ATXN1: variants seen among roughly 807,000 people sequenced by gnomAD.
ATXN1 encodes ataxin-1.
Under a neutral mutation model 56.4 loss-of-function variants are expected in ATXN1, and 8 were observed. That is an observed-to-expected ratio of 0.14 (90% CI 0.08 to 0.26). The LOEUF (loss-of-function observed/expected upper bound fraction) is 0.26, where lower values mean the gene tolerates loss of function less well. Among genes scored for constraint, ATXN1 ranks in the 10% least tolerant of loss-of-function variants. ATXN1 has a pLI of 1.00. For synonymous variants in ATXN1, 514 were observed against 494.6 expected (o/e 1.04, Z -0.52); for missense variants, 987 against 1,106.5 (o/e 0.89, Z 1.53).
chr6:16,642,524 C>T (rs1019672947), intron 3 of ATXN1, among the ~76,000 whole-genome samples: 1 of 152,192 alleles, frequency 6.6e-6, no homozygotes, highest in African/African-American at 2.4e-5. Flanking sequence ...TTAATTGATG[C>T]AGTGACAGGT....
chr6:16,543,169 A>T (rs1213550662), intron 4 of ATXN1, among the ~76,000 whole-genome samples: 2 of 152,154 alleles, frequency 1.3e-5, no homozygotes, highest in African/African-American at 4.8e-5. Context: ...AAGCCCAGGG[A>T]GCTGAGCTCT....
intron 4 of ATXN1, among the ~76,000 whole-genome samples, chr6:16,576,878 C>T (rs1178610868): frequency 6.6e-5 from 10 of 152,156 alleles, no homozygotes; most frequent in Admixed American, 6.5e-4. Context: ...GGCCAGTTGA[C>T]TTCCTTTTGC....
intron 5 of ATXN1, among the ~76,000 whole-genome samples, chr6:16,508,812 ACACC>A (rs1761027242): frequency 6.6e-6 from 1 of 152,250 alleles, no homozygotes; most frequent in Non-Finnish European, 1.5e-5. Context: ...TCAAATTTGT[ACACC>A]CACATTCATA....
At chr6:16,455,583 T>C (rs1257986081) in intron 6 of ATXN1, among the ~76,000 whole-genome samples, 1 of 152,144 alleles carries the variant, frequency 6.6e-6, no homozygotes, top group Non-Finnish European at 1.5e-5. Flanking sequence ...ACAAATAAAC[T>C]AAAAACTTAA....
At chr6:16,691,274 T>C (rs1759041476) in intron 2 of ATXN1, among the ~76,000 whole-genome samples, 1 of 152,262 alleles carries the variant, frequency 6.6e-6, no homozygotes, top group Admixed American at 6.5e-5. Context: ...TCTTGTTCAC[T>C]ATCATATTCC....
At chr6:16,707,419 C>G (rs1235664039) in intron 2 of ATXN1, among the ~76,000 whole-genome samples, 1 of 152,188 alleles carries the variant, frequency 6.6e-6, no homozygotes, top group Non-Finnish European at 1.5e-5. Flanking sequence ...ACCAGTCCTC[C>G]CACTCTACTG....
rs752107349 is a variant in ATXN1, at chr6:16,326,412, G to A, written c.1899C>T (p.Val633=). The change falls in exon 7 of 8, where the codon GTC becomes GTT. Residue 633 remains valine, a synonymous_variant. Transcript: ENST00000436367. The surrounding 1 kb of genome is among the most constrained non-coding windows in gnomAD (Gnocchi z 6.6). ...SPGVAVIQFA[V]GEHRAQVSVE... is the part of the protein sequence containing the mutation. The stretch of plus-strand genomic sequence containing the variant: ...ACGTTACCTGGGCTCGGTGCTCCCC[G>A]ACGGCGAACTGTATCACGGCCACGC... The A allele has an allele frequency of 1.8e-5, 29 of 1,613,580 alleles. No homozygotes were observed. In the South Asian group the frequency reaches 2.0e-4, roughly 11 times the overall value.
intron 3 of ATXN1, among the ~76,000 whole-genome samples, chr6:16,622,257 G>A (rs1194666690): frequency 6.6e-6 from 1 of 152,202 alleles, no homozygotes; most frequent in Admixed American, 6.5e-5. Context: ...TTATTTTAGA[G>A]TAATGCAAAG....
intron 5 of ATXN1, among the ~76,000 whole-genome samples, chr6:16,488,273 C>T (rs1317154499): frequency 6.6e-6 from 1 of 152,144 alleles, no homozygotes; most frequent in Non-Finnish European, 1.5e-5. Context: ...TTAAGAAAAC[C>T]CTCCCCCAAA....
chr6:16,745,749 C>T (rs1451561191), intron 2 of ATXN1, among the ~76,000 whole-genome samples: 1 of 151,994 alleles, frequency 6.6e-6, no homozygotes, highest in African/African-American at 2.4e-5. Flanking sequence ...CTGCAGAAAA[C>T]GTCACTGACA....
chr6:16,585,634 GAA>G (rs1561767221), intron 4 of ATXN1, 144 bp downstream of exon 4: 1 of 152,090 alleles, frequency 6.6e-6, no homozygotes, highest in East Asian at 1.9e-4. Context: ...GAGACAGTAG[GAA>G]AAAATGGAGT....
At chr6:16,738,114 C>A (rs62388011) in intron 2 of ATXN1, 2 of 152,160 alleles carry the variant, frequency 1.3e-5, no homozygotes, top group Non-Finnish European at 2.9e-5. Context: ...CCACGAAGAG[C>A]CAAAATATTT....
intron 3 of ATXN1, among the ~76,000 whole-genome samples, chr6:16,597,628 C>T (rs1762839116): frequency 2.0e-5 from 3 of 152,116 alleles, no homozygotes; most frequent in South Asian, 4.2e-4. Flanking sequence ...TCAGTCGAGA[C>T]GGGGTTTCAC....
At chr6:16,684,674 TGC>T (rs1389381792) in intron 2 of ATXN1, among the ~76,000 whole-genome samples, 51 of 152,340 alleles carry the variant, frequency 3.3e-4, no homozygotes, top group African/African-American at 8.7e-4. Context: ...TGATGGTCTT[TGC>T]ATTTACTTTC....
At chr6:16,738,382 C>T (rs1036353392) in intron 2 of ATXN1, 2 of 152,162 alleles carry the variant, frequency 1.3e-5, no homozygotes, top group African/African-American at 4.8e-5. Flanking sequence ...AAGGGCACAT[C>T]CATATTTGTG....
At chr6:16,591,420 G>T (rs1465084914) in intron 3 of ATXN1, among the ~76,000 whole-genome samples, 4 of 152,116 alleles carry the variant, frequency 2.6e-5, no homozygotes, top group African/African-American at 9.7e-5. Flanking sequence ...GTCTTAATTT[G>T]ATCATTTTTA....
Position 16,326,900 on chromosome 6 carries a change from C to T in ATXN1, c.1411G>A (p.Ala471Thr). 6.2e-7 allele frequency: 1 copy of T among 1,612,920 alleles called. No homozygotes were observed. The highest frequency in any genetic ancestry group is 1.1e-5 in the South Asian group (1 of 91,052). ...VIGYLSGQQQ[A>T]ITYAGSLPQH... Reference sequence around the variant, plus strand: ...GGCAGGCTGCCGGCGTAGGTGATTGCTTGCTGCTGGCCGCTCAGGTAGCCG... The same window carrying T: ...GGCAGGCTGCCGGCGTAGGTGATTGTTTGCTGCTGGCCGCTCAGGTAGCCG... The change falls in exon 7 of 8, where the codon GCA becomes ACA. Residue 471 changes from alanine to threonine, a missense_variant. Coordinates refer to ENST00000436367, the MANE Select transcript of ATXN1 (RefSeq NM_001128164.2). The surrounding 1 kb of genome is among the most constrained non-coding windows in gnomAD (Gnocchi z 6.6).
intron 6 of ATXN1, among the ~76,000 whole-genome samples, chr6:16,478,673 T>C (rs1323599843): frequency 6.6e-6 from 1 of 152,154 alleles, no homozygotes; most frequent in Non-Finnish European, 1.5e-5. Flanking sequence ...AGGAGCCCCA[T>C]GCATTAAGAC....
At chr6:16,337,581 G>A (rs1761152816) in intron 6 of ATXN1, among the ~76,000 whole-genome samples, 1 of 152,254 alleles carries the variant, frequency 6.6e-6, no homozygotes, top group Non-Finnish European at 1.5e-5. Context: ...GGTTGAGTTG[G>A]AGTTTTTAAG....
Sources: gnomAD v4.1 joint callset for allele counts (sites outside exome capture counted in the v4.1 genomes callset) on GRCh38, gnomAD v4.1.1 for gene constraint, Gnocchi (gnomAD v3.1) non-coding constraint, MANE v1.5 for transcripts, NCBI Gene and HGNC (gene_info 2026-07-23, HGNC 2026-07-21) for gene names.